FANCC: variants seen among roughly 807,000 people sequenced by gnomAD.
FANCC encodes FA complementation group C.
Under a neutral mutation model 71.3 loss-of-function variants are expected in FANCC, and 55 were observed. The observed-to-expected ratio is 0.77, with a 90% CI of 0.62 to 0.97. FANCC has a LOEUF of 0.97. FANCC is among the 50% of genes least tolerant of loss of function. The pLI is 0.00. For synonymous variants in FANCC, 275 were observed against 244.9 expected (o/e 1.12, Z -1.15); for missense variants, 678 against 670.9 (o/e 1.01, Z -0.12).
chr9:95,265,964 G>A (rs1429806612), intron 1 of FANCC, among the ~76,000 whole-genome samples: 2 of 152,180 alleles, frequency 1.3e-5, no homozygotes, highest in African/African-American at 4.8e-5. Flanking sequence ...ATGAGGAAGG[G>A]GCACCAGCCC....
chr9:95,252,827 T>C (rs1564798735), intron 1 of FANCC, among the ~76,000 whole-genome samples: 1 of 147,636 alleles, frequency 6.8e-6, no homozygotes, highest in Non-Finnish European at 1.5e-5. Context: ...CACAGGAGCA[T>C]CGCTTGAGGC....
chr9:95,170,392 T>C (rs1322818278), intron 6 of FANCC, among the ~76,000 whole-genome samples: 1 of 144,030 alleles, frequency 6.9e-6, no homozygotes, highest in East Asian at 2.0e-4. Context: ...TAGCAATAGC[T>C]TTACAAAAAA....
chr9:95,214,585 A>G (rs570872789), intron 4 of FANCC, among the ~76,000 whole-genome samples: 13 of 152,344 alleles, frequency 8.5e-5, no homozygotes, highest in Non-Finnish European at 2.9e-5. Flanking sequence ...ACAAACAACT[A>G]AACTGTAGAG....
intron 7 of FANCC, among the ~76,000 whole-genome samples, chr9:95,143,861 T>C (rs563449836): frequency 6.6e-6 from 1 of 152,150 alleles, no homozygotes; most frequent in Non-Finnish European, 1.5e-5. Flanking sequence ...ACATGAAAAG[T>C]TGACATTTAG....
At chr9:95,218,127 C>T (rs1445592757) in intron 4 of FANCC, among the ~76,000 whole-genome samples, 2 of 152,094 alleles carry the variant, frequency 1.3e-5, no homozygotes, top group African/African-American at 4.8e-5. Context: ...AATCTGAGGA[C>T]CATAAAGTTT....
chr9:95,130,804 T>C (rs1380426514), intron 8 of FANCC, among the ~76,000 whole-genome samples: 1 of 152,210 alleles, frequency 6.6e-6, no homozygotes, highest in Non-Finnish European at 1.5e-5. Flanking sequence ...ATAAGAGTCA[T>C]TTCACCAGTG....
chr9:95,121,200 G>A (rs1285437512), intron 10 of FANCC, among the ~76,000 whole-genome samples: 5 of 152,198 alleles, frequency 3.3e-5, no homozygotes, highest in African/African-American at 7.2e-5. Context: ...ACCAGAAACT[G>A]ACCTGACTGG....
intron 6 of FANCC, among the ~76,000 whole-genome samples, chr9:95,167,262 C>G (rs866682425): frequency 1.8e-4 from 27 of 152,254 alleles, no homozygotes; most frequent in Admixed American, 3.9e-4. Context: ...TAACTTCTGA[C>G]AATCCGATTT....
chr9:95,291,967 A>AAAAT (rs1441757988), intron 1 of FANCC, among the ~76,000 whole-genome samples: 890 of 50,360 alleles, frequency 0.018, 39 homozygotes, highest in East Asian at 0.026. Flanking sequence ...AAAAAAAAAA[A>AAAAT]ATATATATAT....
chr9:95,194,686 C>T lies in FANCC; in HGVS notation c.346-22539G>A, dbSNP rs1035532968. Among the ~76,000 whole-genome samples the T allele has an allele frequency of 2.0e-5, 3 of 151,910 alleles. No individual in the cohort carries two copies. In the East Asian group the frequency reaches 5.8e-4, roughly 29 times the overall value. On this transcript the variant is annotated intron_variant, in intron 4 of 14. Coordinates refer to ENST00000289081, the MANE Select transcript of FANCC (RefSeq NM_000136.3). The stretch of plus-strand genomic sequence containing the variant: ...CACCTTTTCGTGAAATAGTGTTTGC[C>T]CATTTTCTAACTGGGTTGTTTTTTA...
chr9:95,289,178 T>C lies in FANCC; in HGVS notation c.-79+28348A>G, dbSNP rs1441329937. On this transcript the variant is annotated intron_variant, in intron 1 of 14. Coordinates refer to ENST00000289081, the MANE Select transcript of FANCC (RefSeq NM_000136.3). ...TTTATTACTCTGTTTTCTATAGTTTTTCAGAGTTACTACATAAGGTTCAGA... is the reference window on the plus strand; with the variant it reads ...TTTATTACTCTGTTTTCTATAGTTTCTCAGAGTTACTACATAAGGTTCAGA... Among the ~76,000 whole-genome samples, 3 of 152,200 alleles carry C rather than the reference T, an allele frequency of 2.0e-5. No individual in the cohort carries two copies. In the East Asian group the frequency reaches 5.8e-4, roughly 29 times the overall value.
intron 8 of FANCC, among the ~76,000 whole-genome samples, chr9:95,130,993 T>G (rs879462911): frequency 6.6e-6 from 1 of 152,248 alleles, no homozygotes; most frequent in African/African-American, 2.4e-5. Context: ...TTTTACATTT[T>G]CAGATCTATT....
intron 4 of FANCC, among the ~76,000 whole-genome samples, chr9:95,205,822 T>C (rs1186501339): frequency 6.6e-6 from 1 of 152,126 alleles, no homozygotes; most frequent in African/African-American, 2.4e-5. Flanking sequence ...AACAACATTT[T>C]TGAATGAGGA....
At chr9:95,226,719 C>T (rs542744654) in intron 4 of FANCC, among the ~76,000 whole-genome samples, 31 of 152,304 alleles carry the variant, frequency 2.0e-4, no homozygotes, top group African/African-American at 7.0e-4. Flanking sequence ...ATAAACTGCC[C>T]AGGTTCCCAA....
At chr9:95,283,708 T>C (rs1415314951) in intron 1 of FANCC, among the ~76,000 whole-genome samples, 1 of 152,234 alleles carries the variant, frequency 6.6e-6, no homozygotes, top group African/African-American at 2.4e-5. Flanking sequence ...ATTTAATGAA[T>C]GGTAGCAGCT....
At chr9:95,275,603 A>G (rs542510583) in intron 1 of FANCC, among the ~76,000 whole-genome samples, 1 of 152,284 alleles carries the variant, frequency 6.6e-6, no homozygotes, top group African/African-American at 2.4e-5. Flanking sequence ...CATGGGGTAT[A>G]GAGGAAATCT....
intron 4 of FANCC, among the ~76,000 whole-genome samples, chr9:95,233,379 C>A (rs147681372): frequency 6.6e-6 from 1 of 152,282 alleles, no homozygotes; most frequent in African/African-American, 2.4e-5. Context: ...CTTGCCTCTG[C>A]TATTTTTCAC....
At chr9:95,246,386 A>G (rs1467486027) in intron 3 of FANCC, among the ~76,000 whole-genome samples, 1 of 152,264 alleles carries the variant, frequency 6.6e-6, no homozygotes, top group South Asian at 2.1e-4. Flanking sequence ...AATGATTATG[A>G]CAACCTATAA....
intron 13 of FANCC, chr9:95,110,341 A>G (rs576029130): frequency 6.7e-4 from 685 of 1,018,434 alleles, no homozygotes; most frequent in Non-Finnish European, 7.8e-4. Flanking sequence ...TTCAGAATCA[A>G]ATAAGACAGA....
Sources: gnomAD v4.1 joint callset for allele counts (sites outside exome capture counted in the v4.1 genomes callset) on GRCh38, gnomAD v4.1.1 for gene constraint, MANE v1.5 for transcripts, NCBI Gene and HGNC (gene_info 2026-07-23, HGNC 2026-07-21) for gene names.